The following RDX variants were observed in gnomAD, a reference collection of about 807,000 sequenced individuals.
The protein encoded by RDX is radixin.
Under a neutral mutation model 83.7 loss-of-function variants are expected in RDX, and 32 were observed. The observed-to-expected ratio is 0.38, with a 90% CI of 0.29 to 0.51. The LOEUF is 0.51. Ranked by LOEUF, RDX falls within the 20% of genes least tolerant of loss-of-function variation. The probability of loss-of-function intolerance (pLI) is 0.87; values close to 1 mark genes in which losing one functional copy is unlikely to be tolerated. For synonymous variants in RDX, 229 were observed against 222.7 expected (o/e 1.03, Z -0.25); for missense variants, 600 against 689.9 (o/e 0.87, Z 1.46).
chr11:110,181,413 CG>C (rs1377709070), intron 15 of RDX, among the ~76,000 whole-genome samples: 6 of 152,140 alleles, frequency 3.9e-5, no homozygotes. Flanking sequence ...CTGCCCGCCT[CG>C]GCCTCCCAGA....
rs561869367 is a variant in RDX at position 110,204,225 on chromosome 11, G to A, written c.1749-4547C>T. Among the ~76,000 whole-genome samples the A allele has an allele frequency of 2.4e-3, 357 of 150,988 alleles. 2 individuals carry two copies. Among genetic ancestry groups the A allele is most frequent in the Non-Finnish European group, 4.1e-3 (278 of 67,836 alleles). Reference sequence around the variant, plus strand: ...AAAGACTTCACAAATTATTAGAAACGGTGAGAATGAAACAAGGTTCCTTAA... The same window carrying A: ...AAAGACTTCACAAATTATTAGAAACAGTGAGAATGAAACAAGGTTCCTTAA... On this transcript the variant is annotated intron_variant, in intron 14 of 15. Transcript: ENST00000528498.
chr11:110,262,772 T>C (rs1265845208), intron 5 of RDX, among the ~76,000 whole-genome samples: 1 of 152,154 alleles, frequency 6.6e-6, no homozygotes, highest in East Asian at 1.9e-4. Context: ...CAGATTTAGA[T>C]ACTGAGCTCA....
intron 4 of RDX, 136 bp from the exon 5 acceptor site, chr11:110,264,370 T>A: frequency 1.5e-6 from 1 of 649,846 alleles, no homozygotes; most frequent in African/African-American, 1.8e-5. Flanking sequence ...TGTGTAATAG[T>A]CTAAATCTGT....
chr11:110,231,614 A>G lies in RDX; in HGVS notation c.*255T>C, dbSNP rs1864637912. ...AATCTTCAACAGAAAAAAAAAAGAA[A>G]AAGAAAAAAAATGTGAAAAGAGGCA... On this transcript the variant is annotated 3_prime_UTR_variant, in exon 14 of 14. Coordinates refer to ENST00000645495, the MANE Select transcript of RDX (RefSeq NM_002906.4). The G allele has an allele frequency of 3.9e-6, 2 of 515,928 alleles. No homozygotes were observed. Among genetic ancestry groups the G allele is most frequent in the Non-Finnish European group, 7.0e-6 (2 of 286,288 alleles). 32.0% of individuals were successfully genotyped at this position (515,928 alleles called of 1,614,324 possible). A position where few individuals can be genotyped will look rare whatever the true frequency, so the allele number is the denominator to read the frequency against.
At chr11:110,224,580 C>G (rs901378760), downstream of RDX, among the ~76,000 whole-genome samples, 1 of 152,182 alleles carries the variant, frequency 6.6e-6, no homozygotes, top group Middle Eastern at 3.2e-3. Context: ...TCCATTTGTT[C>G]TTGCATGTCT....
At chr11:110,225,935 G>A (rs997283976), downstream of RDX, among the ~76,000 whole-genome samples, 11 of 151,722 alleles carry the variant, frequency 7.3e-5, no homozygotes, top group Admixed American at 4.6e-4. Flanking sequence ...GCATGGTGAT[G>A]CATGCCTGTA....
At chr11:110,223,995 A>G (rs937214984) in intron 14 of RDX, among the ~76,000 whole-genome samples, 10 of 152,262 alleles carry the variant, frequency 6.6e-5, no homozygotes, top group Middle Eastern at 3.4e-3. Context: ...ATTGCACTCC[A>G]GCCTGGGCAA....
chr11:110,274,178 C>T (rs1860416832), intron 2 of RDX, among the ~76,000 whole-genome samples: 1 of 152,068 alleles, frequency 6.6e-6, no homozygotes, highest in Non-Finnish European at 1.5e-5. Flanking sequence ...ATATACAAAA[C>T]ATCTATCATA....
At chr11:110,261,228 T>C (rs745498574) in intron 5 of RDX, among the ~76,000 whole-genome samples, 2 of 152,242 alleles carry the variant, frequency 1.3e-5, no homozygotes, top group Non-Finnish European at 2.9e-5. Context: ...ACTGAATTCA[T>C]CTTCCCCCTC....
chr11:110,285,363 T>A (rs1261197386), intron 1 of RDX, among the ~76,000 whole-genome samples: 6 of 151,824 alleles, frequency 4.0e-5, no homozygotes. Flanking sequence ...CAAGCCCAGG[T>A]GACAGTGTGA....
At chr11:110,209,236 C>T (rs538033373) in intron 14 of RDX, among the ~76,000 whole-genome samples, 14 of 152,290 alleles carry the variant, frequency 9.2e-5, no homozygotes, top group Admixed American at 9.2e-4. Context: ...CGGACGGCAC[C>T]TGGAAAATCG....
intron 3 of RDX, among the ~76,000 whole-genome samples, chr11:110,267,515 A>AAAAC (rs1555044882): frequency 6.1e-5 from 8 of 131,388 alleles, no homozygotes; most frequent in Admixed American, 5.4e-4. Flanking sequence ...TCCGTCTCAA[A>AAAAC]ACACACACAC....
chr11:110,234,523 T>C (rs1331527906), intron 12 of RDX, among the ~76,000 whole-genome samples: 3 of 152,188 alleles, frequency 2.0e-5, no homozygotes, highest in African/African-American at 7.2e-5. Flanking sequence ...CCTGGAAGAA[T>C]ATGTACTAAG....
At chr11:110,190,267 C>T (rs1354055971) in intron 15 of RDX, among the ~76,000 whole-genome samples, 1 of 152,090 alleles carries the variant, frequency 6.6e-6, no homozygotes, top group Admixed American at 6.5e-5. Flanking sequence ...TGGTGAAACC[C>T]CGTCTCTACT....
chr11:110,289,036 G>A lies in RDX; in HGVS notation c.-65+7431C>T, dbSNP rs543979942. Reference sequence around the variant, plus strand: ...GCGGATCACCTGAGGTTGGGAGTTCGAGACCAGCCTGACCAACATGGAGAA... The same window carrying A: ...GCGGATCACCTGAGGTTGGGAGTTCAAGACCAGCCTGACCAACATGGAGAA... On this transcript the variant is annotated intron_variant, in intron 1 of 13. Transcript: ENST00000645495. 3.3e-5 allele frequency among the ~76,000 whole-genome samples: 5 copies of A among 152,092 alleles called. No homozygotes were observed. The South Asian group carries it at 6.2e-4, about 19-fold the overall frequency.
Position 110,257,849 on chromosome 11 carries a change from A to C in RDX, c.616T>G (p.Phe206Val). The C allele has an allele frequency of 1.9e-6, 3 of 1,612,764 alleles. No individual in the cohort carries two copies. The highest frequency in any genetic ancestry group is 2.5e-6 in the Non-Finnish European group (3 of 1,179,096). The change falls in exon 7 of 14, where the codon TTT becomes GTT. Residue 206 changes from phenylalanine to valine, a missense_variant. Phe to Val is a conservative substitution (Grantham distance 50, BLOSUM62 -1). Transcript: ENST00000645495. ...GTTCCTTTTTTATTTTTTATTTCAA[A>C]ATAGTTGACTCCATACATTTCTAGA... ...QDLEMYGVNY[F>V]EIKNKKGTEL...
At chr11:110,275,786 T>TA (rs1460741790) in intron 2 of RDX, among the ~76,000 whole-genome samples, 1 of 147,644 alleles carries the variant, frequency 6.8e-6, no homozygotes, top group Admixed American at 6.7e-5. Context: ...ACCATCCTTT[T>TA]TTTTTTTTTT....
chr11:110,183,331 T>C (rs992545223), intron 15 of RDX, among the ~76,000 whole-genome samples: 3 of 152,184 alleles, frequency 2.0e-5, no homozygotes, highest in Non-Finnish European at 2.9e-5. Flanking sequence ...TCTGTATCGA[T>C]AGATACTAGA....
intron 8 of RDX, among the ~76,000 whole-genome samples, chr11:110,254,674 C>A (rs1859474055): frequency 6.6e-6 from 1 of 152,012 alleles, no homozygotes; most frequent in Admixed American, 6.6e-5. Context: ...TGAAGTTTCA[C>A]CACGTTGGCC....
Sources: gnomAD v4.1 joint callset for allele counts (sites outside exome capture counted in the v4.1 genomes callset) on GRCh38, gnomAD v4.1.1 for gene constraint, MANE v1.5 for transcripts, NCBI Gene and HGNC (gene_info 2026-07-23, HGNC 2026-07-21) for gene names.